SH2D1B: variants seen among roughly 807,000 people sequenced by gnomAD.
SH2D1B encodes SH2 domain containing 1B, also known as SH2 domain-containing protein 1B.
SH2D1B carries 11 observed loss-of-function variants against 16.3 expected under a neutral mutation model. The ratio of observed to expected loss-of-function variants is 0.67; its 90% CI spans 0.42 to 1.11. The LOEUF (loss-of-function observed/expected upper bound fraction) is 1.11, where lower values mean the gene tolerates loss of function less well. Among genes scored for constraint, SH2D1B ranks in the 50% most tolerant of loss-of-function variants. The pLI is 0.00. For missense variants in SH2D1B, 123 were observed against 153.1 expected (o/e 0.80, Z 1.04); for synonymous variants, 55 against 56.1 (o/e 0.98, Z 0.09).
chr1:162,404,162 C>T (rs1175945461), intron 1 of SH2D1B, among the ~76,000 whole-genome samples: 1 of 151,994 alleles, frequency 6.6e-6, no homozygotes, highest in African/African-American at 2.4e-5. Context: ...ATGGTGAAAC[C>T]CTGTCTCTAC....
intron 3 of SH2D1B, 108 bp from the exon 4 acceptor site, chr1:162,397,423 A>T (rs1332298227): frequency 5.2e-6 from 6 of 1,148,980 alleles, no homozygotes; most frequent in Non-Finnish European, 6.4e-6. Context: ...GCACAGAGCC[A>T]TGTTGATGCC....
chr1:162,403,512 ATATATATATAT>A (rs1467828999), intron 1 of SH2D1B, among the ~76,000 whole-genome samples: 1,038 of 17,512 alleles, frequency 0.059, 44 homozygotes, highest in East Asian at 0.15. Context: ...AAAAAAAAAA[ATATATATATAT>A]ATATATATAT....
Position 162,395,670 on chromosome 1 carries a change from T to C in SH2D1B, c.*1610A>G, listed in dbSNP as rs954635868. The C allele has an allele frequency of 2.6e-5, 4 of 152,222 alleles. No individual in the cohort carries two copies. The highest frequency in any genetic ancestry group is 5.9e-5 in the Non-Finnish European group (4 of 68,036). The allele number at this position is 152,222 out of a possible 1,614,324, so 9.4% of individuals were successfully genotyped here. ...ACAATAGAATCAACAGGTAAACTAG[T>C]AGATCTAATGAGAGGGTTAACATTT... On this transcript the variant is annotated 3_prime_UTR_variant, in exon 4 of 4. Coordinates refer to ENST00000367929, the MANE Select transcript of SH2D1B (RefSeq NM_053282.5).
intron 2 of SH2D1B, among the ~76,000 whole-genome samples, chr1:162,401,986 A>G (rs1648527282): frequency 6.6e-6 from 1 of 152,240 alleles, no homozygotes; most frequent in Admixed American, 6.5e-5. Context: ...TAAACCAGAA[A>G]AATTAAACAA....
rs369301298 is a variant in SH2D1B at position 162,405,443 on chromosome 1, G to C, written c.135-2641C>G. Among the ~76,000 whole-genome samples, 154 of 152,256 alleles carry C rather than the reference G, an allele frequency of 1.0e-3. 3 individuals carry two copies. In the Middle Eastern group the frequency reaches 0.027, roughly 27 times the overall value. ...CAGTGATACCTCAATAAAGCAGTAA[G>C]ACATATTCATGGCATAAAAAGGTAG... On this transcript the variant is annotated intron_variant, in intron 1 of 3. Coordinates refer to ENST00000367929, the MANE Select transcript of SH2D1B (RefSeq NM_053282.5).
chr1:162,403,701 TACACACACACACAC>T (rs57093863), intron 1 of SH2D1B, among the ~76,000 whole-genome samples: 115 of 132,334 alleles, frequency 8.7e-4, no homozygotes, highest in Non-Finnish European at 1.3e-3. Flanking sequence ...TGAAGAAAGT[TACACACACACACAC>T]ACACACACAC....
intron 1 of SH2D1B, among the ~76,000 whole-genome samples, chr1:162,409,670 C>T (rs901661003): frequency 2.0e-5 from 3 of 152,158 alleles, no homozygotes; most frequent in African/African-American, 7.2e-5. Context: ...CCTCTGCCTC[C>T]TGGGTTCAAG....
intron 1 of SH2D1B, among the ~76,000 whole-genome samples, chr1:162,410,088 A>T (rs895320284): frequency 1.1e-4 from 16 of 152,304 alleles, no homozygotes; most frequent in Non-Finnish European, 1.9e-4. Flanking sequence ...CTACTAAGTC[A>T]GTTTGGCAAG....
Position 162,395,450 on chromosome 1 carries a change from G to C in SH2D1B, c.*1830C>G, listed in dbSNP as rs1290610064. The C allele has an allele frequency of 1.3e-5, 2 of 152,056 alleles. No individual in the cohort carries two copies. The highest frequency in any genetic ancestry group is 2.9e-5 in the Non-Finnish European group (2 of 67,982). 9.4% of individuals were successfully genotyped at this position (152,056 alleles called of 1,614,324 possible). A position where few individuals can be genotyped will look rare whatever the true frequency, so the allele number is the denominator to read the frequency against. On this transcript the variant is annotated 3_prime_UTR_variant, in exon 4 of 4. Coordinates refer to ENST00000367929, the MANE Select transcript of SH2D1B (RefSeq NM_053282.5). ...ACAACAAACATAATGTTTAAATAAA[G>C]AAAATTTCTAAGCATTCCCTGTAAT...
Position 162,411,880 on chromosome 1 carries a change from C to T in SH2D1B, c.134+3G>A, listed in dbSNP as rs1463274012. On this transcript the variant is annotated splice_donor_region_variant and intron_variant, in intron 1 of 3. Coordinates refer to ENST00000367929, the MANE Select transcript of SH2D1B (RefSeq NM_053282.5). ...CAGATGTGTGCAAGATGAGGCTACT[C>T]ACGAGACACAGAGGCACAGGACTCC... 2 of 1,614,068 alleles carry T rather than the reference C, an allele frequency of 1.2e-6. No individual in the cohort carries two copies. The highest frequency in any genetic ancestry group is 8.5e-7 in the Non-Finnish European group (1 of 1,180,022).
chr1:162,400,275 T>TACACC (rs1553213918), intron 2 of SH2D1B, among the ~76,000 whole-genome samples: 1 of 148,176 alleles, frequency 6.7e-6, no homozygotes, highest in Non-Finnish European at 1.5e-5. Context: ...TTACCAGCTA[T>TACACC]ACACCACGTA....
intron 2 of SH2D1B, among the ~76,000 whole-genome samples, chr1:162,400,591 A>C (rs1356751792): frequency 6.6e-6 from 1 of 151,272 alleles, no homozygotes; most frequent in African/African-American, 2.4e-5. Flanking sequence ...GGCGGGAGCC[A>C]CCATGCCTGG....
intron 1 of SH2D1B, among the ~76,000 whole-genome samples, chr1:162,411,155 C>T (rs757137527): frequency 1.3e-4 from 19 of 151,920 alleles, no homozygotes; most frequent in South Asian, 4.2e-4. Flanking sequence ...GGGGTTTTGC[C>T]GTGTTGGCCA....
chr1:162,403,511 A>AATATATAT (rs201259868), intron 1 of SH2D1B, among the ~76,000 whole-genome samples: 9 of 42,016 alleles, frequency 2.1e-4, no homozygotes, highest in African/African-American at 5.3e-4. Context: ...AAAAAAAAAA[A>AATATATAT]ATATATATAT....
intron 1 of SH2D1B, among the ~76,000 whole-genome samples, chr1:162,411,148 G>T (rs1648785809): frequency 6.6e-6 from 1 of 151,748 alleles, no homozygotes; most frequent in South Asian, 2.1e-4. Flanking sequence ...TAGAGATGGG[G>T]TTTTGCCGTG....
intron 3 of SH2D1B, among the ~76,000 whole-genome samples, 155 bp downstream of exon 3, chr1:162,398,768 A>G (rs1005198097): frequency 2.6e-5 from 4 of 152,218 alleles, no homozygotes; most frequent in African/African-American, 9.7e-5. Context: ...AAAAGACAGC[A>G]CTTCTCAACA....
At chr1:162,411,846 A>G in intron 1 of SH2D1B, 37 bp downstream of exon 1, 1 of 1,613,408 alleles carries the variant, frequency 6.2e-7, no homozygotes, top group Non-Finnish European at 8.5e-7. Context: ...CACATTCAAC[A>G]TACGATGTCA....
intron 2 of SH2D1B, 140 bp downstream of exon 2, chr1:162,402,599 T>C (rs1571272888): frequency 1.5e-6 from 1 of 648,066 alleles, no homozygotes; most frequent in East Asian, 2.7e-5. Context: ...CCAGGTTAAC[T>C]CGATCTGACT....
chr1:162,411,442 TGAAA>T lies in SH2D1B; in HGVS notation c.134+437_134+440del, dbSNP rs1557913229. ...AGTCCTTCACAAATCTAACAAAATGTGAAATATGATTGTATTTATAGTTTACGTA... is the reference window on the plus strand; with the variant it reads ...AGTCCTTCACAAATCTAACAAAATGTTATGATTGTATTTATAGTTTACGTA... On this transcript the variant is annotated intron_variant, in intron 1 of 3. Coordinates refer to ENST00000367929, the MANE Select transcript of SH2D1B (RefSeq NM_053282.5). Among the ~76,000 whole-genome samples the T allele has an allele frequency of 3.3e-5, 5 of 152,220 alleles. 1 individual carries two copies. Among genetic ancestry groups the T allele is most frequent in the Non-Finnish European group, 7.3e-5 (5 of 68,048 alleles).
Sources: allele counts gnomAD v4.1 joint callset (sites outside exome capture counted in the v4.1 genomes callset), GRCh38; gene constraint gnomAD v4.1.1; transcripts MANE v1.5; gene names NCBI Gene and HGNC (gene_info 2026-07-23, HGNC 2026-07-21).